CAMKMT: variants seen among roughly 807,000 people sequenced by gnomAD.
CAMKMT encodes the protein calmodulin-lysine N-methyltransferase.
CAMKMT carries 53 observed loss-of-function variants against 48.0 expected under a neutral mutation model. The ratio of observed to expected loss-of-function variants is 1.10; its 90% confidence interval spans 0.89 to 1.39. The LOEUF (loss-of-function observed/expected upper bound fraction) is 1.39. CAMKMT is among the 40% of genes most tolerant of loss of function. The pLI is 0.00. For synonymous variants in CAMKMT, 165 were observed against 152.3 expected, an observed-to-expected ratio of 1.08 and a Z score of -0.61; for missense variants, 428 against 402.7, an observed-to-expected ratio of 1.06 and a Z score of -0.54.
chr2:44,710,494 G>A (rs1169724776), intron 6 of CAMKMT, among the ~76,000 whole-genome samples: 1 of 152,118 alleles, frequency 6.6e-6, no homozygotes, highest in Non-Finnish European at 1.5e-5. Context: ...CCTGAGAGCT[G>A]CTCTTCCCTA....
At chr2:44,634,799 C>G (rs1316216376) in intron 3 of CAMKMT, among the ~76,000 whole-genome samples, 1 of 23,914 alleles carries the variant, frequency 4.2e-5, no homozygotes, top group African/African-American at 1.4e-4. Flanking sequence ...TGAGGGCTAG[C>G]CAAAAAAAAA....
At chr2:44,545,721 C>T (rs1296440270) in intron 3 of CAMKMT, among the ~76,000 whole-genome samples, 6 of 145,002 alleles carry the variant, frequency 4.1e-5, no homozygotes, top group South Asian at 2.3e-4. Context: ...ATGAAGATAC[C>T]GGAGGGGAGA....
intron 3 of CAMKMT, among the ~76,000 whole-genome samples, chr2:44,698,743 A>G (rs1573105405): frequency 6.6e-6 from 1 of 152,232 alleles, no homozygotes; most frequent in Non-Finnish European, 1.5e-5. Flanking sequence ...AGTTTGCCAC[A>G]TTGGTTGACT....
At chr2:44,488,986 G>A (rs540051020) in intron 3 of CAMKMT, among the ~76,000 whole-genome samples, 5 of 151,530 alleles carry the variant, frequency 3.3e-5, no homozygotes, top group South Asian at 2.1e-4. Context: ...CTGTCCCCCC[G>A]TCCTGAGGAG....
chr2:44,719,450 G>A (rs1478347476), intron 7 of CAMKMT, among the ~76,000 whole-genome samples: 1 of 152,170 alleles, frequency 6.6e-6, no homozygotes, highest in Non-Finnish European at 1.5e-5. Context: ...AGATGGAGTG[G>A]TAAACAAGAT....
chr2:44,646,979 A>G (rs138685168), intron 3 of CAMKMT, among the ~76,000 whole-genome samples: 9 of 152,354 alleles, frequency 5.9e-5, no homozygotes, highest in African/African-American at 2.2e-4. Context: ...TTTTCTGCTT[A>G]CTTTTCTTAT....
chr2:44,652,846 T>A (rs1300863091), intron 3 of CAMKMT, among the ~76,000 whole-genome samples: 3 of 152,172 alleles, frequency 2.0e-5, no homozygotes, highest in African/African-American at 7.2e-5. Flanking sequence ...GACTCCCTAG[T>A]GAAATGCAGC....
chr2:44,608,585 T>C (rs1671429779), intron 3 of CAMKMT, among the ~76,000 whole-genome samples: 1 of 152,142 alleles, frequency 6.6e-6, no homozygotes, highest in Admixed American at 6.5e-5. Context: ...TATAATGTAT[T>C]ATAAAATATA....
chr2:44,406,719 C>A (rs1190400948), intron 3 of CAMKMT, among the ~76,000 whole-genome samples: 1 of 152,164 alleles, frequency 6.6e-6, no homozygotes, highest in African/African-American at 2.4e-5. Context: ...ACCTCAGCCT[C>A]CCAAGTAGCT....
intron 3 of CAMKMT, among the ~76,000 whole-genome samples, chr2:44,627,697 C>CTTTTTTTTTTTTTTTTTTTTTTTTTT (rs1174344846): frequency 2.7e-5 from 2 of 75,098 alleles, no homozygotes; most frequent in Non-Finnish European, 2.4e-5. Flanking sequence ...CCATTTTATC[C>CTTTTTTTTTTTTTTTTTTTTTTTTTT]TTTTTTTTTT....
At chr2:44,583,633 C>CA (rs1669688334) in intron 3 of CAMKMT, among the ~76,000 whole-genome samples, 1 of 151,670 alleles carries the variant, frequency 6.6e-6, no homozygotes, top group Non-Finnish European at 1.5e-5. Context: ...TCTGTCTCTA[C>CA]AAAAAATAAA....
At chr2:44,585,680 G>T (rs968267252) in intron 3 of CAMKMT, among the ~76,000 whole-genome samples, 3 of 152,200 alleles carry the variant, frequency 2.0e-5, no homozygotes, top group African/African-American at 7.2e-5. Context: ...TGACAATTGT[G>T]TACTTTATGA....
chr2:44,767,950 G>A (rs1324604495), intron 10 of CAMKMT, among the ~76,000 whole-genome samples: 1 of 152,164 alleles, frequency 6.6e-6, no homozygotes, highest in African/African-American at 2.4e-5. Context: ...GAGAGCAAAG[G>A]CTTGGGTTTC....
chr2:44,750,687 C>T (rs1049824681), intron 8 of CAMKMT, among the ~76,000 whole-genome samples: 1 of 152,142 alleles, frequency 6.6e-6, no homozygotes, highest in Non-Finnish European at 1.5e-5. Context: ...GTGTCCTCAG[C>T]TGTTTTCCAA....
intron 3 of CAMKMT, among the ~76,000 whole-genome samples, chr2:44,482,699 C>T (rs1669032330): frequency 6.6e-6 from 1 of 152,052 alleles, no homozygotes; most frequent in Admixed American, 6.6e-5. Context: ...CCTAGGAGGG[C>T]CCTTTTTTTC....
At chr2:44,710,748 TGA>T (rs1677836157) in intron 6 of CAMKMT, among the ~76,000 whole-genome samples, 1 of 152,200 alleles carries the variant, frequency 6.6e-6, no homozygotes, top group African/African-American at 2.4e-5. Flanking sequence ...CATGGTATAC[TGA>T]GTTATTATTG....
At chr2:44,639,946 A>G (rs759281327) in intron 3 of CAMKMT, among the ~76,000 whole-genome samples, 6 of 152,234 alleles carry the variant, frequency 3.9e-5, no homozygotes, top group Non-Finnish European at 7.3e-5. Flanking sequence ...TGGTTGACCC[A>G]GTGAATGCAT....
chr2:44,622,503 C>T (rs1259896204), intron 3 of CAMKMT, among the ~76,000 whole-genome samples: 1 of 152,162 alleles, frequency 6.6e-6, no homozygotes, highest in East Asian at 1.9e-4. Flanking sequence ...TCCTTCCCTC[C>T]TTCCTCTTAT....
chr2:44,761,882 A>G (rs146068757), intron 9 of CAMKMT, among the ~76,000 whole-genome samples: 1 of 152,306 alleles, frequency 6.6e-6, no homozygotes, highest in Non-Finnish European at 1.5e-5. Context: ...GACAAAATGG[A>G]TTAAAGGTAT....
Sources: gnomAD v4.1 joint callset for allele counts (sites outside exome capture counted in the v4.1 genomes callset) on GRCh38, gnomAD v4.1.1 for gene constraint, MANE v1.5 for transcripts, NCBI Gene and HGNC (gene_info 2026-07-23, HGNC 2026-07-21) for gene names.